The following PAPOLG variants were observed in gnomAD, a reference collection of about 807,000 sequenced individuals.
The protein encoded by PAPOLG is PAP-gamma.
PAPOLG carries 40 observed loss-of-function variants against 99.0 expected under a neutral mutation model. The observed-to-expected ratio is 0.40, with a 90% CI of 0.31 to 0.53. The LOEUF is 0.53. PAPOLG is among the 20% of genes least tolerant of loss of function. PAPOLG has a pLI of 0.41. For synonymous variants in PAPOLG, 310 were observed against 299.3 expected (o/e 1.04, Z -0.37); for missense variants, 675 against 884.1 (o/e 0.76, Z 3.00).
chr2:60,762,751 C>G (rs370714557), intron 3 of PAPOLG, among the ~76,000 whole-genome samples: 23 of 151,948 alleles, frequency 1.5e-4, no homozygotes, highest in African/African-American at 5.1e-4. Context: ...CTCAGCCTCC[C>G]GAGTAGCTGG....
chr2:60,777,154 C>G (rs537562671), intron 8 of PAPOLG, among the ~76,000 whole-genome samples: 1 of 152,002 alleles, frequency 6.6e-6, no homozygotes, highest in African/African-American at 2.4e-5. Flanking sequence ...CCATCCAGAC[C>G]GTTAAAATTT....
intron 9 of PAPOLG, among the ~76,000 whole-genome samples, chr2:60,780,178 G>A (rs1435348836): frequency 1.3e-5 from 2 of 152,092 alleles, no homozygotes; most frequent in Non-Finnish European, 2.9e-5. Context: ...AAAGATTCAG[G>A]TGTAAATTAG....
chr2:60,797,526 G>GTTTTTTTTTTTT lies in PAPOLG; in HGVS notation c.*371_*372insTTTTTTTTTTTT, dbSNP rs766458681. Reference sequence around the variant, plus strand: ...ACTCCTTTTTTGTTTTGTTTTTTGTGTTTTTCTTTTTTTGTCTTATGTTGT... The same window carrying GTTTTTTTTTTTT: ...ACTCCTTTTTTGTTTTGTTTTTTGTGTTTTTTTTTTTTTTTTTCTTTTTTTGTCTTATGTTGT... On this transcript the variant is annotated 3_prime_UTR_variant, in exon 22 of 22. Coordinates refer to ENST00000238714, the MANE Select transcript of PAPOLG (RefSeq NM_022894.4). 5.9e-6 allele frequency: 1 copy of GTTTTTTTTTTTT among 169,656 alleles called. No homozygotes were observed. The highest frequency in any genetic ancestry group is 2.4e-5 in the African/African-American group (1 of 40,868). 10.5% of individuals were successfully genotyped at this position (169,656 alleles called of 1,614,324 possible). A position where few individuals can be genotyped will look rare whatever the true frequency, so the allele number is the denominator to read the frequency against.
At position 60,787,544 on chromosome 2, in the gene PAPOLG, A is replaced by T. The variant is rs1294205405; in HGVS notation, c.1320A>T (p.Ile440=). Residue 440 remains isoleucine (I), a synonymous_variant, in exon 15 of 22, where the codon ATA becomes ATT. Coordinates refer to ENST00000238714, the MANE Select transcript of PAPOLG (RefSeq NM_022894.4). ...NNYVSMWFLG[I]IFRRVENAES... ...ACGTATCAATGTGGTTCCTTGGGAT[A>T]ATTTTTCGGAGAGTAGAAAATGCAG... 1.2e-6 allele frequency: 2 copies of T among 1,614,098 alleles called. No homozygotes were observed. The highest frequency in any genetic ancestry group is 1.7e-5 in the Admixed American group (1 of 60,018).
chr2:60,785,477 A>G (rs1186640684), intron 13 of PAPOLG, among the ~76,000 whole-genome samples: 1 of 151,884 alleles, frequency 6.6e-6, no homozygotes, highest in Non-Finnish European at 1.5e-5. Context: ...TGATTGTTTC[A>G]TATATTATGT....
intron 15 of PAPOLG, among the ~76,000 whole-genome samples, chr2:60,789,631 C>G (rs1671471036): frequency 6.6e-6 from 1 of 152,102 alleles, no homozygotes; most frequent in Non-Finnish European, 1.5e-5. Flanking sequence ...TCACATCTAG[C>G]CCTCTAGTCA....
chr2:60,774,624 C>G (rs767165828), intron 7 of PAPOLG, among the ~76,000 whole-genome samples: 1 of 152,128 alleles, frequency 6.6e-6, no homozygotes, highest in Non-Finnish European at 1.5e-5. Context: ...CCTCAGCCTA[C>G]CAAAGGGCTG....
Position 60,756,275 on chromosome 2 carries a change from T to C in PAPOLG, c.-204T>C. 1 of 631,530 alleles carries C rather than the reference T, an allele frequency of 1.6e-6. No individual in the cohort carries two copies. The highest frequency in any genetic ancestry group is 2.8e-6 in the Non-Finnish European group (1 of 354,716). The allele number at this position is 631,530 out of a possible 1,614,324, so 39.1% of individuals were successfully genotyped here. A position where few individuals can be genotyped will look rare whatever the true frequency, so the allele number is the denominator to read the frequency against. On this transcript the variant is annotated 5_prime_UTR_variant, in exon 1 of 22. Coordinates refer to ENST00000238714, the MANE Select transcript of PAPOLG (RefSeq NM_022894.4). ...GCTGGGAAGCGGCGCCATATTGGCG[T>C]CGGCCGCGCTGTATTGTCATAAATA...
chr2:60,790,592 T>C (rs1671501610), intron 15 of PAPOLG, among the ~76,000 whole-genome samples: 1 of 152,246 alleles, frequency 6.6e-6, no homozygotes, highest in Admixed American at 6.5e-5. Flanking sequence ...AGCACTAGAA[T>C]GGGAATCTAG....
chr2:60,784,250 C>T (rs1272201984), intron 13 of PAPOLG, among the ~76,000 whole-genome samples: 5 of 152,334 alleles, frequency 3.3e-5, no homozygotes, highest in African/African-American at 4.8e-5. Flanking sequence ...GAATTACAGG[C>T]GTGAGCCACC....
chr2:60,792,982 G>C (rs1327002700), intron 17 of PAPOLG, among the ~76,000 whole-genome samples: 1 of 152,130 alleles, frequency 6.6e-6, no homozygotes, highest in Non-Finnish European at 1.5e-5. Flanking sequence ...GTTGCAGTGA[G>C]CTGAGATCGT....
At chr2:60,794,299 A>C in intron 19 of PAPOLG, 108 bp downstream of exon 19, 1 of 1,140,712 alleles carries the variant, frequency 8.8e-7, no homozygotes, top group Non-Finnish European at 1.2e-6. Context: ...TTGGCTGAAA[A>C]GAATATTTAC....
At chr2:60,782,498 A>G (rs1467977289) in intron 11 of PAPOLG, among the ~76,000 whole-genome samples, 188 bp from the exon 12 acceptor site, 2 of 151,908 alleles carry the variant, frequency 1.3e-5, no homozygotes, top group Admixed American at 6.6e-5. Flanking sequence ...TAGAGGTTGC[A>G]GTGAGCCGAG....
rs1265910107 is a variant in PAPOLG at position 60,800,889 on chromosome 2, T to G, written c.*3729T>G. 1.3e-5 allele frequency: 2 copies of G among 152,364 alleles called. No homozygotes were observed. Among genetic ancestry groups the G allele is most frequent in the African/African-American group, 2.4e-5 (1 of 41,456 alleles). 9.4% of individuals were successfully genotyped at this position (152,364 alleles called of 1,614,324 possible). A position where few individuals can be genotyped will look rare whatever the true frequency, so the allele number is the denominator to read the frequency against. ...GTGGTATATTTCTGAAAATGTGCTG[T>G]GGCTCCTAACTAGTAAAATGGGCTG... On this transcript the variant is annotated 3_prime_UTR_variant, in exon 22 of 22. Coordinates refer to ENST00000238714, the MANE Select transcript of PAPOLG (RefSeq NM_022894.4).
intron 5 of PAPOLG, 87 bp from the exon 6 acceptor site, chr2:60,770,371 G>A: frequency 8.9e-7 from 1 of 1,119,574 alleles, no homozygotes; most frequent in East Asian, 2.7e-5. Flanking sequence ...ATACAAATCG[G>A]GAGTAAAGAT....
intron 1 of PAPOLG, among the ~76,000 whole-genome samples, chr2:60,757,752 A>G (rs1196348645): frequency 6.6e-6 from 1 of 152,162 alleles, no homozygotes; most frequent in Non-Finnish European, 1.5e-5. Context: ...GTCTCTTTGT[A>G]CGCTTGTAAC....
intron 7 of PAPOLG, 110 bp from the exon 8 acceptor site, chr2:60,774,921 ATGT>A: frequency 6.7e-7 from 1 of 1,498,408 alleles, no homozygotes; most frequent in South Asian, 1.3e-5. Flanking sequence ...ATAAGCCCCA[ATGT>A]TTTATTATCT....
At chr2:60,790,648 C>T (rs1236463262) in intron 15 of PAPOLG, among the ~76,000 whole-genome samples, 1 of 152,146 alleles carries the variant, frequency 6.6e-6, no homozygotes, top group Non-Finnish European at 1.5e-5. Context: ...AGCTGTTTAG[C>T]CTCCTTTTCT....
intron 1 of PAPOLG, among the ~76,000 whole-genome samples, chr2:60,757,796 A>G (rs913536999): frequency 5.3e-5 from 8 of 152,106 alleles, no homozygotes; most frequent in Non-Finnish European, 1.0e-4. Context: ...CTGTAAGTGA[A>G]ATTGATGGTT....
Sources: gnomAD v4.1 joint callset for allele counts (sites outside exome capture counted in the v4.1 genomes callset) on GRCh38, gnomAD v4.1.1 for gene constraint, MANE v1.5 for transcripts, NCBI Gene and HGNC (gene_info 2026-07-23, HGNC 2026-07-21) for gene names.